The following NEU3 variants were observed in gnomAD, a reference collection of about 807,000 sequenced individuals.
NEU3 encodes the protein sialidase-3.
A neutral mutation model predicts 11.4 loss-of-function variants in NEU3; 10 were observed. The observed-to-expected ratio is 0.88, with a 90% confidence interval of 0.54 to 1.49. The LOEUF is 1.49. NEU3 is among the 40% of genes most tolerant of loss of function. The pLI is 0.00. For synonymous variants in NEU3, 212 were observed against 228.2 expected, an observed-to-expected ratio of 0.93 and a Z score of 0.64; for missense variants, 529 against 581.8, an observed-to-expected ratio of 0.91 and a Z score of 0.93.
Position 75,007,198 on chromosome 11 carries a change from T to G in NEU3, c.*706T>G, listed in dbSNP as rs139030107. ...ACAATGAGAATCTCAATGCCAGTAG[T>G]ACTGGATAATAGTGCGTATTGCTTC... On this transcript the variant is annotated 3_prime_UTR_variant, in exon 3 of 3. Transcript: ENST00000294064. 46 of 152,332 alleles carry G rather than the reference T, an allele frequency of 3.0e-4. No individual in the cohort carries two copies. The highest frequency in any genetic ancestry group is 1.1e-3 in the African/African-American group (45 of 41,570). 9.4% of individuals were successfully genotyped at this position (152,332 alleles called of 1,614,324 possible).
chr11:74,991,431 T>G (rs902358171), intron 1 of NEU3, among the ~76,000 whole-genome samples: 1 of 152,212 alleles, frequency 6.6e-6, no homozygotes, highest in Non-Finnish European at 1.5e-5. Context: ...TCATATGCTA[T>G]TGATAAAAGT....
chr11:75,012,609 C>T (rs555447855), downstream of NEU3, among the ~76,000 whole-genome samples: 1 of 152,316 alleles, frequency 6.6e-6, no homozygotes, highest in Admixed American at 6.5e-5. Context: ...AGCTTGCACA[C>T]AATGTAATAT....
rs1948906381 is a variant in NEU3 at position 75,006,981 on chromosome 11, A to C, written c.*489A>C. The C allele has an allele frequency of 6.4e-6, 1 of 155,656 alleles. No individual in the cohort carries two copies. Among genetic ancestry groups the C allele is most frequent in the Non-Finnish European group, 1.4e-5 (1 of 70,352 alleles). 9.6% of individuals were successfully genotyped at this position (155,656 alleles called of 1,614,324 possible). A position where few individuals can be genotyped will look rare whatever the true frequency, so the allele number is the denominator to read the frequency against. On this transcript the variant is annotated 3_prime_UTR_variant, in exon 3 of 3. Coordinates refer to ENST00000294064, the MANE Select transcript of NEU3 (RefSeq NM_006656.6). The stretch of plus-strand genomic sequence containing the variant: ...AGGTGTCATGGCAGGAAGGAAGACC[A>C]GATCTGTATGATTTGTTCCATTTTT...
At chr11:74,994,817 A>G (rs1405422617) in intron 2 of NEU3, 97 bp downstream of exon 2, 1 of 1,163,786 alleles carries the variant, frequency 8.6e-7, no homozygotes, top group Non-Finnish European at 1.3e-6. Context: ...AGTACAGGAA[A>G]GCCCTGTGTG....
rs1948897954 is a variant in NEU3 at position 75,006,193 on chromosome 11, T to C, written c.1087T>C (p.Leu363=). The C allele has an allele frequency of 6.2e-7, 1 of 1,614,022 alleles. No homozygotes were observed. The highest frequency in any genetic ancestry group is 1.3e-5 in the African/African-American group (1 of 75,036). ...EAGTPSESWL[L]YSHPTSRKQR... ...TGGAACACCGTCAGAATCATGGCTC[T>C]TGTACTCACACCCAACCAGTAGGAA... is the stretch of plus-strand genomic sequence containing the variant. Residue 363 remains leucine, a synonymous_variant, in exon 3 of 3, where the codon TTG becomes CTG. Coordinates refer to ENST00000294064, the MANE Select transcript of NEU3 (RefSeq NM_006656.6).
chr11:74,998,685 C>T (rs944738710), intron 2 of NEU3, among the ~76,000 whole-genome samples: 2 of 152,208 alleles, frequency 1.3e-5, no homozygotes, highest in Admixed American at 1.3e-4. Context: ...TGAACATGGG[C>T]CTTGCCATCA....
At chr11:74,994,463 A>G (rs1948764897) in intron 1 of NEU3, 46 bp from the exon 2 acceptor site, 5 of 1,452,900 alleles carry the variant, frequency 3.4e-6, no homozygotes, top group African/African-American at 1.4e-5. Context: ...TATGCAGGCC[A>G]GCATCTGGGT....
chr11:75,013,653 C>A (rs1355286065), downstream of NEU3, among the ~76,000 whole-genome samples: 5 of 152,168 alleles, frequency 3.3e-5, no homozygotes. Flanking sequence ...TGGTCTCTGT[C>A]CTCTGCCCAC....
chr11:74,981,020 A>T, the NEU3 span, among the ~76,000 whole-genome samples: 4 of 152,224 alleles, frequency 2.6e-5, no homozygotes, highest in Non-Finnish European at 4.4e-5. Context: ...CGACTTGGGC[A>T]TAGAGGGATT....
chr11:74,991,393 T>C (rs1040912281), intron 1 of NEU3, among the ~76,000 whole-genome samples: 3 of 152,344 alleles, frequency 2.0e-5, no homozygotes, highest in Non-Finnish European at 4.4e-5. Context: ...TTTTCCCTTC[T>C]TCAAGTTAGG....
chr11:74,990,215 A>G (rs1035795959), intron 1 of NEU3: 2 of 525,540 alleles, frequency 3.8e-6, no homozygotes, highest in South Asian at 2.8e-5. Flanking sequence ...ATTATTATCC[A>G]TAGTTTACAA....
upstream of NEU3, among the ~76,000 whole-genome samples, chr11:74,986,147 T>C (rs1255516696): frequency 2.6e-5 from 4 of 152,376 alleles, no homozygotes; most frequent in South Asian, 2.1e-4. Flanking sequence ...GAAGATAATT[T>C]AGATTGATAC....
At chr11:75,002,157 T>C (rs1948851024) in intron 2 of NEU3, among the ~76,000 whole-genome samples, 1 of 152,094 alleles carries the variant, frequency 6.6e-6, no homozygotes, top group Non-Finnish European at 1.5e-5. Context: ...TGGACTTAAG[T>C]GATTCTCCTG....
chr11:75,002,785 T>C (rs1565496364), intron 2 of NEU3, among the ~76,000 whole-genome samples: 1 of 152,248 alleles, frequency 6.6e-6, no homozygotes. Context: ...TTATATTAAG[T>C]TGATTTATAG....
At chr11:74,999,129 G>A (rs988111163) in intron 2 of NEU3, among the ~76,000 whole-genome samples, 1 of 138,658 alleles carries the variant, frequency 7.2e-6, no homozygotes, top group Non-Finnish European at 1.6e-5. Context: ...AATTTTAACT[G>A]TCTGTTTGTC....
chr11:75,011,537 C>T (rs1180147301), downstream of NEU3, among the ~76,000 whole-genome samples: 1 of 152,124 alleles, frequency 6.6e-6, no homozygotes, highest in Non-Finnish European at 1.5e-5. Context: ...GAAAAACATC[C>T]TTGGCTGGTG....
chr11:75,007,986 A>T lies in NEU3; in HGVS notation c.*1494A>T, dbSNP rs747458929. The T allele has an allele frequency of 6.6e-6, 1 of 152,130 alleles. No homozygotes were observed. Among genetic ancestry groups the T allele is most frequent in the Non-Finnish European group, 1.5e-5 (1 of 68,036 alleles). 9.4% of individuals were successfully genotyped at this position (152,130 alleles called of 1,614,324 possible). A position where few individuals can be genotyped will look rare whatever the true frequency, so the allele number is the denominator to read the frequency against. On this transcript the variant is annotated 3_prime_UTR_variant, in exon 3 of 3. Coordinates refer to ENST00000294064, the MANE Select transcript of NEU3 (RefSeq NM_006656.6). ...TGGGTAGAGAGAGTCCTACAGGATA[A>T]AAGTGGAGATTAACTTTACCTACTT...
downstream of NEU3, among the ~76,000 whole-genome samples, chr11:75,020,225 G>A (rs1485447699): frequency 6.6e-6 from 1 of 152,184 alleles, no homozygotes; most frequent in Non-Finnish European, 1.5e-5. Flanking sequence ...GCTCATAGGT[G>A]GAAAGGACTT....
chr11:74,999,127 CTGTCTGTT>C (rs749230580), intron 2 of NEU3, among the ~76,000 whole-genome samples: 159 of 139,448 alleles, frequency 1.1e-3, no homozygotes, highest in Non-Finnish European at 2.1e-3. Context: ...TAAATTTTAA[CTGTCTGTT>C]TGTCTGTCTG....
Sources: gnomAD v4.1 joint callset for allele counts (sites outside exome capture counted in the v4.1 genomes callset) on GRCh38, gnomAD v4.1.1 for gene constraint, MANE v1.5 for transcripts, NCBI Gene and HGNC (gene_info 2026-07-23, HGNC 2026-07-21) for gene names.